Variants in ASTN1 observed in about 807,000 individuals in gnomAD.
ASTN1 encodes the protein astrotactin 1, also known as astrotactin-1.
ASTN1 carries 41 observed loss-of-function variants against 140.7 expected under a neutral mutation model. The ratio of observed to expected loss-of-function variants is 0.29; its 90% CI spans 0.23 to 0.38. ASTN1 has a LOEUF of 0.38. Among genes scored for constraint, ASTN1 ranks in the 10% least tolerant of loss-of-function variants. The probability of loss-of-function intolerance (pLI) is 1.00; values close to 1 mark genes in which losing one functional copy is unlikely to be tolerated. For synonymous variants in ASTN1, 640 were observed against 652.2 expected (o/e 0.98, Z 0.29); for missense variants, 1,479 against 1,678.8 (o/e 0.88, Z 2.08).
intron 8 of ASTN1, among the ~76,000 whole-genome samples, chr1:177,011,455 T>C (rs6668092): frequency 0.54 from 82,175 of 151,856 alleles, 22,726 homozygotes; most frequent in Non-Finnish European, 0.58. Flanking sequence ...CCCTGGACCA[T>C]AATAGGTAAT....
chr1:176,912,841 T>C (rs1011665798), intron 16 of ASTN1, among the ~76,000 whole-genome samples: 2 of 152,222 alleles, frequency 1.3e-5, no homozygotes, highest in African/African-American at 4.8e-5. Context: ...ATTTTAGATC[T>C]CTGCGATTAC....
At chr1:176,916,905 C>T (rs1286499408) in intron 16 of ASTN1, among the ~76,000 whole-genome samples, 3 of 152,300 alleles carry the variant, frequency 2.0e-5, no homozygotes, top group Non-Finnish European at 2.9e-5. Context: ...CTCCCCGCCC[C>T]GCCCACAACC....
chr1:176,865,075 A>T (rs1420477596), intron 22 of ASTN1, among the ~76,000 whole-genome samples: 1 of 152,204 alleles, frequency 6.6e-6, no homozygotes, highest in Non-Finnish European at 1.5e-5. Context: ...AGCCTTTGGG[A>T]ATATGCAGAC....
chr1:177,011,214 G>C (rs1675274096), intron 8 of ASTN1, among the ~76,000 whole-genome samples: 1 of 152,034 alleles, frequency 6.6e-6, no homozygotes, highest in South Asian at 2.1e-4. Flanking sequence ...TTTGTTATCT[G>C]GCAAGTAGAA....
chr1:176,961,536 T>C (rs1672663055), intron 9 of ASTN1, among the ~76,000 whole-genome samples: 1 of 152,186 alleles, frequency 6.6e-6, no homozygotes, highest in African/African-American at 2.4e-5. Context: ...TTTACCGATG[T>C]ATCAACTAAT....
intron 16 of ASTN1, among the ~76,000 whole-genome samples, chr1:176,907,602 A>G (rs1292676515): frequency 3.3e-5 from 5 of 152,200 alleles, no homozygotes; most frequent in Admixed American, 2.6e-4. Flanking sequence ...AAACTTTTAT[A>G]TACTTGACCA....
chr1:177,059,524 C>A (rs1008908849), intron 2 of ASTN1, among the ~76,000 whole-genome samples: 1 of 152,156 alleles, frequency 6.6e-6, no homozygotes, highest in Admixed American at 6.5e-5. Flanking sequence ...TGACATCTGA[C>A]CTTATGTGGA....
chr1:177,013,638 G>A (rs1675402994), intron 8 of ASTN1, among the ~76,000 whole-genome samples: 1 of 152,128 alleles, frequency 6.6e-6, no homozygotes, highest in African/African-American at 2.4e-5. Context: ...GTCCTCCATG[G>A]CGATGTCTGA....
At chr1:177,049,840 C>T (rs184360690) in intron 2 of ASTN1, among the ~76,000 whole-genome samples, 29 of 152,200 alleles carry the variant, frequency 1.9e-4, no homozygotes, top group African/African-American at 5.5e-4. Context: ...GTGGTCCTGC[C>T]GTGGAAAGAC....
intron 1 of ASTN1, among the ~76,000 whole-genome samples, chr1:177,145,989 T>A (rs1050393731): frequency 6.6e-6 from 1 of 152,206 alleles, no homozygotes; most frequent in African/African-American, 2.4e-5. Flanking sequence ...TATCTACCAA[T>A]GTTTACCATA....
intron 1 of ASTN1, among the ~76,000 whole-genome samples, chr1:177,159,449 T>A (rs909455021): frequency 3.9e-5 from 6 of 152,192 alleles, no homozygotes; most frequent in African/African-American, 1.4e-4. Flanking sequence ...AAGTTTCCCC[T>A]CAAATGGGAA....
In ASTN1 at chr1:177,039,772, C is replaced by T. The variant is rs537366356; in HGVS notation, c.472-6923G>A. Among the ~76,000 whole-genome samples the T allele has an allele frequency of 3.2e-3, 492 of 152,280 alleles. 1 individual carries two copies. The highest frequency in any genetic ancestry group is 0.011 in the African/African-American group (475 of 41,554). On this transcript the variant is annotated intron_variant, in intron 2 of 22. Transcript: ENST00000361833. ...ATCTGAAAATTTTCTGATTGTAACA[C>T]TGATCCCTGTCAAACAGGAAATGGC...
intron 1 of ASTN1, among the ~76,000 whole-genome samples, chr1:177,066,538 T>A (rs1678364518): frequency 6.6e-6 from 1 of 152,144 alleles, no homozygotes; most frequent in African/African-American, 2.4e-5. Flanking sequence ...GCTTCAAAAA[T>A]TCCTCTTCCA....
chr1:176,881,985 C>T (rs902528545), intron 20 of ASTN1, among the ~76,000 whole-genome samples: 7 of 152,214 alleles, frequency 4.6e-5, no homozygotes, highest in South Asian at 4.1e-4. Context: ...AGTCCTACAA[C>T]GACATCACTA....
At chr1:176,974,337 T>C in intron 8 of ASTN1, among the ~76,000 whole-genome samples, 1 of 152,180 alleles carries the variant, frequency 6.6e-6, no homozygotes, top group Non-Finnish European at 1.5e-5. Flanking sequence ...AAATATTAAC[T>C]GTTATTATAC....
chr1:176,907,632 C>T (rs932279685), intron 16 of ASTN1, among the ~76,000 whole-genome samples: 2 of 152,212 alleles, frequency 1.3e-5, no homozygotes, highest in African/African-American at 4.8e-5. Context: ...TCTACATAAT[C>T]ATGCAAGTTC....
intron 1 of ASTN1, among the ~76,000 whole-genome samples, chr1:177,152,415 A>G (rs1009091633): frequency 7.9e-5 from 12 of 152,170 alleles, no homozygotes; most frequent in Admixed American, 3.3e-4. Context: ...ACATACAGAA[A>G]GTATAATCCT....
intron 16 of ASTN1, among the ~76,000 whole-genome samples, chr1:176,912,395 T>G (rs1670285362): frequency 6.6e-6 from 1 of 152,174 alleles, no homozygotes; most frequent in South Asian, 2.1e-4. Context: ...TCATGGCACA[T>G]AATATTGTTT....
At chr1:176,974,357 T>C (rs771581107) in intron 8 of ASTN1, among the ~76,000 whole-genome samples, 9 of 152,114 alleles carry the variant, frequency 5.9e-5, no homozygotes, top group African/African-American at 9.7e-5. Flanking sequence ...CACACATTAA[T>C]AGGAATTTTG....
Sources: allele counts gnomAD v4.1 joint callset (sites outside exome capture counted in the v4.1 genomes callset), GRCh38; gene constraint gnomAD v4.1.1; transcripts MANE v1.5; gene names NCBI Gene and HGNC (gene_info 2026-07-23, HGNC 2026-07-21).